Variants in MYO5C observed in about 807,000 individuals in gnomAD.
MYO5C encodes the protein unconventional myosin-Vc.
In MYO5C, 194 loss-of-function variants were observed where a neutral mutation model predicts 235.7. That is an observed-to-expected ratio of 0.82 (90% CI 0.73 to 0.93). MYO5C has a LOEUF of 0.93. Among genes scored for constraint, MYO5C ranks in the 40% least tolerant of loss-of-function variants. MYO5C has a pLI of 0.00. For synonymous variants in MYO5C, 707 were observed against 754.8 expected (o/e 0.94, Z 1.04); for missense variants, 2,038 against 2,127.2 (o/e 0.96, Z 0.82).
chr15:52,195,249 G>T, intron 40 of MYO5C, 128 bp downstream of exon 40: 4 of 578,782 alleles, frequency 6.9e-6, no homozygotes, highest in South Asian at 6.4e-5. Flanking sequence ...CTTTGAGCTG[G>T]GTGCCTTTCA....
intron 1 of MYO5C, among the ~76,000 whole-genome samples, chr15:52,286,328 C>G (rs1187419670): frequency 6.7e-6 from 1 of 148,890 alleles, no homozygotes; most frequent in East Asian, 2.1e-4. Context: ...GGGGGGTCAG[C>G]CCCCCGCCCG....
Position 52,272,605 on chromosome 15 carries a change from A to G in MYO5C, c.725T>C (p.Leu242Pro). The change falls in exon 6 of 41, where the codon CTG becomes CCG. Residue 242 changes from leucine to proline, a missense_variant. Leu to Pro is a moderately conservative substitution (Grantham distance 98). Transcript: ENST00000261839. ...TTGAAAGACAACTCTGGATTTCTCC[A>G]GGAGGTAAGTGCTCATGTTGGCTCC... The part of the protein sequence containing the change: ...IIGANMSTYL[L>P]EKSRVVFQSE... The G allele has an allele frequency of 6.2e-7, 1 of 1,613,132 alleles. No individual in the cohort carries two copies. The highest frequency in any genetic ancestry group is 8.5e-7 in the Non-Finnish European group (1 of 1,179,772).
At chr15:52,200,793 C>T (rs1355986417) in intron 38 of MYO5C, among the ~76,000 whole-genome samples, 1 of 151,934 alleles carries the variant, frequency 6.6e-6, no homozygotes, top group Non-Finnish European at 1.5e-5. Flanking sequence ...TAAAGCCAAA[C>T]TCTCTTGTAA....
intron 20 of MYO5C, 47 bp from the exon 21 acceptor site, chr15:52,239,926 C>T: frequency 1.3e-6 from 2 of 1,562,632 alleles, no homozygotes; most frequent in Non-Finnish European, 1.7e-6. Context: ...CCAAGTGCTT[C>T]TCTAACCAAC....
chr15:52,259,280 C>T (rs1268475328), intron 10 of MYO5C, among the ~76,000 whole-genome samples: 2 of 151,786 alleles, frequency 1.3e-5, no homozygotes, highest in Admixed American at 6.6e-5. Context: ...ATCAGCCGGG[C>T]GTAGTGGCAG....
intron 11 of MYO5C, 36 bp downstream of exon 11, chr15:52,256,603 C>CGCGCGGG: frequency 1.8e-5 from 12 of 650,452 alleles, no homozygotes; most frequent in Non-Finnish European, 2.9e-5. Context: ...GCGCGCGCGG[C>CGCGCGGG]TGAGAACTAG....
chr15:52,212,613 A>G (rs2035468896), intron 34 of MYO5C, among the ~76,000 whole-genome samples: 2 of 152,188 alleles, frequency 1.3e-5, no homozygotes, highest in African/African-American at 4.8e-5. Context: ...CCTATGCCAG[A>G]AAACCACGTG....
chr15:52,274,805 T>A (rs1365940019), intron 5 of MYO5C, among the ~76,000 whole-genome samples: 1 of 152,088 alleles, frequency 6.6e-6, no homozygotes, highest in African/African-American at 2.4e-5. Flanking sequence ...TTCAACAGAG[T>A]AGATTGTCTG....
At chr15:52,206,159 C>A (rs1488712981) in intron 36 of MYO5C, among the ~76,000 whole-genome samples, 193 bp from the exon 37 acceptor site, 1 of 152,130 alleles carries the variant, frequency 6.6e-6, no homozygotes, top group Non-Finnish European at 1.5e-5. Context: ...CAGTCTATCA[C>A]ACTGTCATTG....
intron 29 of MYO5C, among the ~76,000 whole-genome samples, chr15:52,223,226 C>T (rs2035740537): frequency 6.6e-6 from 1 of 151,560 alleles, no homozygotes; most frequent in African/African-American, 2.4e-5. Context: ...TCAAGAGCTA[C>T]CCTTCAATTT....
intron 1 of MYO5C, among the ~76,000 whole-genome samples, chr15:52,283,520 CAA>C (rs1356169347): frequency 6.6e-6 from 1 of 152,114 alleles, no homozygotes; most frequent in Non-Finnish European, 1.5e-5. Flanking sequence ...CGCCGATGTA[CAA>C]GTCTTTAGGT....
At position 52,246,010 on chromosome 15, in the gene MYO5C, C is replaced by A; in HGVS notation, c.2012G>T (p.Arg671Leu). Reference protein sequence around the residue: ...FDSKRIVQQLRACGVLETIRI... With the variant: ...FDSKRIVQQLLACGVLETIRI... Reference sequence around the variant, plus strand: ...AATCGTTTCTAAAACGCCGCAGGCTCGCAGCTGCTGAACAATTCTTTTGGA... The same window carrying A: ...AATCGTTTCTAAAACGCCGCAGGCTAGCAGCTGCTGAACAATTCTTTTGGA... The change falls in exon 17 of 41, where the codon CGA becomes CTA. Residue 671 changes from arginine (R) to leucine (L), a missense_variant. Arg to Leu is a moderately radical substitution (Grantham distance 102). Coordinates refer to ENST00000261839, the MANE Select transcript of MYO5C (RefSeq NM_018728.4). The A allele has an allele frequency of 5.0e-6, 8 of 1,614,104 alleles. No homozygotes were observed. The highest frequency in any genetic ancestry group is 6.8e-6 in the Non-Finnish European group (8 of 1,180,006).
At chr15:52,210,691 A>G (rs1340146088) in intron 35 of MYO5C, among the ~76,000 whole-genome samples, 5 of 152,178 alleles carry the variant, frequency 3.3e-5, no homozygotes, top group African/African-American at 9.7e-5. Context: ...TTACAAAGCA[A>G]CTATCCCTGT....
intron 8 of MYO5C, among the ~76,000 whole-genome samples, chr15:52,266,001 C>T (rs2036801896): frequency 1.3e-5 from 2 of 152,186 alleles, no homozygotes; most frequent in South Asian, 4.1e-4. Flanking sequence ...ATACCCCAGG[C>T]CTCCACCACA....
At chr15:52,205,503 C>G in intron 37 of MYO5C, 2 of 323,846 alleles carry the variant, frequency 6.2e-6, no homozygotes, top group East Asian at 1.1e-4. Context: ...TCGAATGGGG[C>G]TTTAGGATTT....
intron 35 of MYO5C, 60 bp downstream of exon 35, chr15:52,211,669 TG>T: frequency 6.5e-7 from 1 of 1,548,264 alleles, no homozygotes; most frequent in African/African-American, 1.4e-5. Flanking sequence ...GGGCAAAGAC[TG>T]GGCATCTGGT....
intron 20 of MYO5C, among the ~76,000 whole-genome samples, chr15:52,241,729 G>GGTGT (rs370672907): frequency 3.3e-4 from 50 of 149,496 alleles, no homozygotes; most frequent in African/African-American, 1.2e-3. Context: ...CAGTGCAACT[G>GGTGT]GTGTGTGTGT....
chr15:52,289,177 C>T (rs943659843), intron 1 of MYO5C, among the ~76,000 whole-genome samples: 1 of 151,502 alleles, frequency 6.6e-6, no homozygotes, highest in African/African-American at 2.4e-5. Flanking sequence ...CCTGGCTCCC[C>T]TGCCCCTCCC....
At chr15:52,243,350 G>A (rs1285452347) in intron 19 of MYO5C, 1 of 152,630 alleles carries the variant, frequency 6.6e-6, no homozygotes, top group East Asian at 1.9e-4. Flanking sequence ...GGGATAGGCA[G>A]GAGGCCAGCA....
Sources: allele counts gnomAD v4.1 joint callset (sites outside exome capture counted in the v4.1 genomes callset), GRCh38; gene constraint gnomAD v4.1.1; transcripts MANE v1.5; gene names NCBI Gene and HGNC (gene_info 2026-07-23, HGNC 2026-07-21).